The following PCDHGA7 variants were observed in gnomAD, a reference collection of about 807,000 sequenced individuals.
The protein encoded by PCDHGA7 is protocadherin gamma-A7.
In PCDHGA7, 44 loss-of-function variants were observed where a neutral mutation model predicts 58.3. The ratio of observed to expected loss-of-function variants is 0.75; its 90% CI spans 0.59 to 0.97. The LOEUF (loss-of-function observed/expected upper bound fraction) is 0.97. Among genes scored for constraint, PCDHGA7 ranks in the 50% least tolerant of loss-of-function variants. PCDHGA7 has a pLI of 0.00. For missense variants in PCDHGA7, 1,266 were observed against 1,188.7 expected, an observed-to-expected ratio of 1.06 and a Z score of -0.96; for synonymous variants, 516 against 504.2, an observed-to-expected ratio of 1.02 and a Z score of -0.31.
Position 141,476,598 on chromosome 5 carries a change from A to G in PCDHGA7, c.2425-18209A>G, listed in dbSNP as rs1222456783. The G allele has an allele frequency of 6.2e-7, 1 of 1,614,238 alleles. No homozygotes were observed. Among genetic ancestry groups the G allele is most frequent in the South Asian group, 1.1e-5 (1 of 91,088 alleles). On this transcript the variant is annotated intron_variant, in intron 1 of 3. Transcript: ENST00000518325. This position sits in a 1 kb window ranked among gnomAD's most constrained non-coding sequence, Gnocchi z 7.6. ...CGCTTTCCGCTCGAGAGCGCGCACG[A>G]TCCCGATGTGGGAAGCAACTCTTTA... is the stretch of plus-strand genomic sequence containing the variant.
chr5:141,421,342 G>A (rs199737254), intron 1 of PCDHGA7: 25 of 1,613,872 alleles, frequency 1.5e-5, no homozygotes, highest in Non-Finnish European at 1.9e-5. Context: ...GGTGCCAGAA[G>A]AGACCGAAAA....
rs914956962 is a variant in PCDHGA7, at chr5:141,420,736, A to G, written c.2424+35413A>G. Among the ~76,000 whole-genome samples, 4 of 152,370 alleles carry G rather than the reference A, an allele frequency of 2.6e-5. No individual in the cohort carries two copies. In the East Asian group the frequency reaches 7.7e-4, roughly 29 times the overall value. On this transcript the variant is annotated intron_variant, in intron 1 of 3. Coordinates refer to ENST00000518325, the MANE Select transcript of PCDHGA7 (RefSeq NM_018920.4). ...TCGTTCCTTTCAGTCGGTTAAAATC[A>G]ATTGGAACCAACTACAACCTACAAG...
At chr5:141,423,398 G>T in intron 1 of PCDHGA7, 7 of 1,614,172 alleles carry the variant, frequency 4.3e-6, no homozygotes, top group Non-Finnish European at 5.9e-6. Flanking sequence ...CATAAGTCAC[G>T]CCTGCTGCAG....
chr5:141,485,454 C>T lies in PCDHGA7; in HGVS notation c.2425-9353C>T. On this transcript the variant is annotated intron_variant, in intron 1 of 3. Transcript: ENST00000518325. This position sits in a 1 kb window ranked among gnomAD's most constrained non-coding sequence, Gnocchi z 5.7. Reference sequence around the variant, plus strand: ...ATCAAGAACCCAATCGACCGAGAGGCACTGTGTGGGCTCAGTGCCAGCTGC... The same window carrying T: ...ATCAAGAACCCAATCGACCGAGAGGTACTGTGTGGGCTCAGTGCCAGCTGC... The T allele has an allele frequency of 6.2e-7, 1 of 1,614,162 alleles. No homozygotes were observed. Among genetic ancestry groups the T allele is most frequent in the East Asian group, 2.2e-5 (1 of 44,868 alleles).
At chr5:141,469,836 T>C (rs2099212875) in intron 1 of PCDHGA7, among the ~76,000 whole-genome samples, 1 of 152,064 alleles carries the variant, frequency 6.6e-6, no homozygotes, top group South Asian at 2.1e-4. Flanking sequence ...ATAAAACTTA[T>C]TCTTAAGATT....
intron 1 of PCDHGA7, chr5:141,417,649 C>G (rs1294192479): frequency 1.2e-6 from 1 of 826,168 alleles, no homozygotes; most frequent in East Asian, 2.8e-5. Flanking sequence ...CCCTCAGCCT[C>G]TAGCCTGGGA....
At chr5:141,402,971 T>A (rs1589470573) in intron 1 of PCDHGA7, 1 of 1,608,252 alleles carries the variant, frequency 6.2e-7, no homozygotes, top group East Asian at 2.2e-5. Flanking sequence ...TCCAACCAAA[T>A]GCCAGCTCCG....
rs372096658 is a variant in PCDHGA7, at chr5:141,405,073, C to T, written c.2424+19750C>T. On this transcript the variant is annotated intron_variant, in intron 1 of 3. Coordinates refer to ENST00000518325, the MANE Select transcript of PCDHGA7 (RefSeq NM_018920.4). The stretch of plus-strand genomic sequence containing the variant: ...TCGTCTCCTGTGTCTTCCTCACCTT[C>T]GTTATCACGCTGCTGGCCCTCAGGC... The T allele has an allele frequency of 1.1e-5, 17 of 1,613,880 alleles. No individual in the cohort carries two copies. In the East Asian group the frequency reaches 1.3e-4, roughly 13 times the overall value.
intron 1 of PCDHGA7, chr5:141,413,602 G>A (rs1561743581): frequency 6.2e-7 from 1 of 1,613,860 alleles, no homozygotes; most frequent in Non-Finnish European, 8.5e-7. Flanking sequence ...AGAAAATCTA[G>A]ACGTAAAAAT....
intron 1 of PCDHGA7, among the ~76,000 whole-genome samples, chr5:141,449,674 TA>T (rs2154562752): frequency 6.6e-6 from 1 of 151,604 alleles, no homozygotes; most frequent in African/African-American, 2.4e-5. Context: ...AGTGTGTATG[TA>T]TATATGTTTG....
At position 141,489,264 on chromosome 5, in the gene PCDHGA7, G is replaced by T. The variant is rs1314393358; in HGVS notation, c.2425-5543G>T. 10 of 1,553,088 alleles carry T rather than the reference G, an allele frequency of 6.4e-6. No individual in the cohort carries two copies. Among genetic ancestry groups the T allele is most frequent in the Non-Finnish European group, 7.0e-6 (8 of 1,149,620 alleles). ...TCATGGGGCCCAAGACACTCCCACA[G>T]CTCGCTGGGAAATGGCAAGTGCTGT... On this transcript the variant is annotated intron_variant, in intron 1 of 3. Transcript: ENST00000518325. The surrounding 1 kb of genome is among the most constrained non-coding windows in gnomAD (Gnocchi z 4.5).
At chr5:141,417,941 A>T (rs1319967892) in intron 1 of PCDHGA7, 1 of 1,612,890 alleles carries the variant, frequency 6.2e-7, no homozygotes, top group South Asian at 1.1e-5. Context: ...GTTCTACCCC[A>T]CGCTGTGTGA....
At chr5:141,497,540 C>T (rs866982821) in intron 2 of PCDHGA7, among the ~76,000 whole-genome samples, 5 of 134,944 alleles carry the variant, frequency 3.7e-5, no homozygotes, top group African/African-American at 1.1e-4. Context: ...TGCAACAAAC[C>T]TTTTTTTTTT....
At chr5:141,415,538 G>A in intron 1 of PCDHGA7, 1 of 1,614,182 alleles carries the variant, frequency 6.2e-7, no homozygotes, top group Non-Finnish European at 8.5e-7. Flanking sequence ...AGCCAGGAGA[G>A]CTGTGAGAAA....
At chr5:141,426,116 G>A (rs1324245739) in intron 1 of PCDHGA7, among the ~76,000 whole-genome samples, 3 of 152,232 alleles carry the variant, frequency 2.0e-5, no homozygotes, top group African/African-American at 7.2e-5. Context: ...AAGCAAGTCG[G>A]AGAGTGGCCA....
rs986276637 is a variant in PCDHGA7, at chr5:141,487,728, C to A, written c.2425-7079C>A. The A allele has an allele frequency of 3.2e-6, 5 of 1,570,444 alleles. No individual in the cohort carries two copies. The highest frequency in any genetic ancestry group is 2.3e-5 in the East Asian group (1 of 42,866). On this transcript the variant is annotated intron_variant, in intron 1 of 3. Transcript: ENST00000518325. The surrounding 1 kb of genome is among the most constrained non-coding windows in gnomAD (Gnocchi z 5.0). ...TCAGTAAGTGCCCATAGTGATGTCACCATTTTTGTAAGAGGTAACTATGTG... is the reference window on the plus strand; with the variant it reads ...TCAGTAAGTGCCCATAGTGATGTCAACATTTTTGTAAGAGGTAACTATGTG...
At chr5:141,405,353 AT>A in intron 1 of PCDHGA7, 3 of 1,614,026 alleles carry the variant, frequency 1.9e-6, no homozygotes, top group Non-Finnish European at 2.5e-6. Context: ...CAAGTTTCCT[AT>A]AGAAGACACC....
chr5:141,486,405 G>A lies in PCDHGA7; in HGVS notation c.2425-8402G>A. 6.2e-7 allele frequency: 1 copy of A among 1,614,114 alleles called. No homozygotes were observed. The highest frequency in any genetic ancestry group is 2.2e-5 in the East Asian group (1 of 44,862). On this transcript the variant is annotated intron_variant, in intron 1 of 3. Transcript: ENST00000518325. The surrounding 1 kb of genome is among the most constrained non-coding windows in gnomAD (Gnocchi z 5.0). ...AACCAGTTCTCCCTGGTGACTGCTG[G>A]ACCCTTGGATCGAGAGGCCAAATCT...
At chr5:141,408,286 C>G (rs751845459) in intron 1 of PCDHGA7, 81 of 1,613,074 alleles carry the variant, frequency 5.0e-5, no homozygotes, top group Non-Finnish European at 6.3e-5. Context: ...TCTACCCCAC[C>G]CTGAGTGAGC....
Sources: gnomAD v4.1 joint callset for allele counts (sites outside exome capture counted in the v4.1 genomes callset) on GRCh38, gnomAD v4.1.1 for gene constraint, Gnocchi (gnomAD v3.1) non-coding constraint, MANE v1.5 for transcripts, NCBI Gene and HGNC (gene_info 2026-07-23, HGNC 2026-07-21) for gene names.